QSER1: variants seen among roughly 807,000 people sequenced by gnomAD.
QSER1 encodes glutamine and serine rich 1.
A neutral mutation model predicts 158.5 loss-of-function variants in QSER1; 49 were observed. The observed-to-expected ratio is 0.31, with a 90% CI of 0.25 to 0.39. The LOEUF is 0.39. Among genes scored for constraint, QSER1 ranks in the 10% least tolerant of loss-of-function variants. The pLI is 1.00. For missense variants in QSER1, 1,754 were observed against 2,010.3 expected (o/e 0.87, Z 2.44); for synonymous variants, 650 against 715.5 (o/e 0.91, Z 1.46).
chr11:32,934,661 G>A lies in QSER1; in HGVS notation c.3403G>A (p.Glu1135Lys). The change falls in exon 4 of 13, where the codon GAG becomes AAG. Residue 1135 changes from glutamate (E) to lysine (K), a missense_variant. Transcript: ENST00000650167. ...DSTLNNNRNQ[E>K]FVSSSRSISG... The stretch of plus-strand genomic sequence containing the variant: ...TACATTAAATAATAACAGAAACCAA[G>A]AGTTTGTTTCTAGTAGTAGAAGTAT... The A allele has an allele frequency of 6.2e-7, 1 of 1,613,762 alleles. No homozygotes were observed. Among genetic ancestry groups the A allele is most frequent in the Non-Finnish European group, 8.5e-7 (1 of 1,179,886 alleles).
At chr11:32,897,915 A>G (rs1315992541) in intron 1 of QSER1, among the ~76,000 whole-genome samples, 2 of 152,184 alleles carry the variant, frequency 1.3e-5, no homozygotes, top group Non-Finnish European at 2.9e-5. Flanking sequence ...CTCAGTCACT[A>G]AGACCTACTG....
At chr11:32,923,860 C>T (rs930307426) in intron 1 of QSER1, among the ~76,000 whole-genome samples, 1 of 152,070 alleles carries the variant, frequency 6.6e-6, no homozygotes, top group African/African-American at 2.4e-5. Context: ...CCCAGCTACT[C>T]AGGAGGCTGA....
intron 1 of QSER1, among the ~76,000 whole-genome samples, chr11:32,904,599 C>G (rs921950946): frequency 1.4e-5 from 2 of 140,976 alleles, no homozygotes; most frequent in African/African-American, 5.6e-5. Flanking sequence ...AGCATATCCA[C>G]TCTTTTTTTT....
rs1279846791 is a variant in QSER1 at position 32,934,823 on chromosome 11, GA to G, written c.3567del (p.Glu1190LysfsTer6). ...QSGDAVSVKI[E>X]EENQDLMHFN... ...TGGGGATGCAGTCAGTGTCAAGATT[GA>G]AGAAGAAAACCAAGATTTAATGCAT... On this transcript the variant is annotated frameshift_variant, in exon 4 of 13. Coordinates refer to ENST00000650167, the MANE Select transcript of QSER1 (RefSeq NM_001076786.3). LOFTEE classifies it high-confidence loss of function. 1 of 1,613,898 alleles carries G rather than the reference GA, an allele frequency of 6.2e-7. No homozygotes were observed.
Position 32,932,818 on chromosome 11 carries a change from G to T in QSER1, c.1560G>T (p.Thr520=), listed in dbSNP as rs183558161. 6.2e-7 allele frequency: 1 copy of T among 1,613,856 alleles called. No individual in the cohort carries two copies. Among genetic ancestry groups the T allele is most frequent in the Non-Finnish European group, 8.5e-7 (1 of 1,179,896 alleles). ...SSQTVTPENQ[T]LNYSSNQQEV... is the part of the protein sequence containing the mutation. ...AGACTGTAACTCCTGAAAATCAGAC[G>T]CTTAATTATTCATCTAATCAGCAAG... Residue 520 remains threonine (T), a synonymous_variant, in exon 4 of 13, where the codon ACG becomes ACT. Transcript: ENST00000650167.
chr11:32,974,528 T>A (rs1310358653), intron 11 of QSER1, among the ~76,000 whole-genome samples: 3 of 152,216 alleles, frequency 2.0e-5, no homozygotes, highest in Non-Finnish European at 4.4e-5. Context: ...TCCAATTATG[T>A]ACCACCAGTG....
chr11:32,937,565 G>A (rs1852171086), intron 4 of QSER1, among the ~76,000 whole-genome samples: 1 of 152,134 alleles, frequency 6.6e-6, no homozygotes, highest in African/African-American at 2.4e-5. Context: ...TGGGATTATA[G>A]GCATGAGCCA....
At position 32,934,750 on chromosome 11, in the gene QSER1, A is replaced by T. The variant is rs550964051; in HGVS notation, c.3492A>T (p.Ser1164=). Reference sequence around the variant, plus strand: ...TAGGGGGTGACGACAGTGGTGTGTCAATGAACCCAGCTAGGAGTGCACTTG... The same window carrying T: ...TAGGGGGTGACGACAGTGGTGTGTCTATGAACCCAGCTAGGAGTGCACTTG... ...FTLGGDDSGV[S]MNPARSALAL... Residue 1164 remains serine (S), a synonymous_variant, in exon 4 of 13, where the codon TCA becomes TCT. Transcript: ENST00000650167. 1.2e-6 allele frequency: 2 copies of T among 1,613,994 alleles called. No homozygotes were observed. Among genetic ancestry groups the T allele is most frequent in the African/African-American group, 2.7e-5 (2 of 75,052 alleles).
intron 4 of QSER1, among the ~76,000 whole-genome samples, chr11:32,948,024 C>T (rs963200543): frequency 2.6e-5 from 4 of 152,168 alleles, no homozygotes; most frequent in Non-Finnish European, 4.4e-5. Context: ...CAAAACAAAA[C>T]TTCCACAGAT....
intron 4 of QSER1, among the ~76,000 whole-genome samples, chr11:32,940,583 T>G (rs1265406683): frequency 6.6e-6 from 1 of 152,154 alleles, no homozygotes; most frequent in East Asian, 1.9e-4. Flanking sequence ...TAATAGGGAT[T>G]TGATAAAACT....
intron 1 of QSER1, among the ~76,000 whole-genome samples, chr11:32,925,276 TA>T (rs1851952766): frequency 6.6e-6 from 1 of 152,166 alleles, no homozygotes; most frequent in African/African-American, 2.4e-5. Context: ...CTAGATCTTT[TA>T]AAAGGGCTAA....
In QSER1 at chr11:32,953,930, G is replaced by A; in HGVS notation, c.4251G>A (p.Val1417=). 1 of 1,614,160 alleles carries A rather than the reference G, an allele frequency of 6.2e-7. No individual in the cohort carries two copies. Among genetic ancestry groups the A allele is most frequent in the African/African-American group, 1.3e-5 (1 of 75,058 alleles). The change falls in exon 5 of 13, where the codon GTG becomes GTA. Residue 1417 remains valine (V), a synonymous_variant. Coordinates refer to ENST00000650167, the MANE Select transcript of QSER1 (RefSeq NM_001076786.3). ...CTGCTACTACTTCCTCAACCACTGT[G>A]GGTGCAGTTAAGCAAGAACCTCTCC... is the stretch of plus-strand genomic sequence containing the variant. ...TGTATTSSTT[V]GAVKQEPLHS...
intron 1 of QSER1, among the ~76,000 whole-genome samples, chr11:32,896,753 T>G (rs551662604): frequency 7.9e-5 from 12 of 152,122 alleles, no homozygotes; most frequent in Admixed American, 4.6e-4. Context: ...TAATGCATAC[T>G]TTTTTTTAGT....
chr11:32,895,177 A>G (rs1340236944), intron 1 of QSER1, among the ~76,000 whole-genome samples: 2 of 152,254 alleles, frequency 1.3e-5, no homozygotes, highest in Admixed American at 6.5e-5. Context: ...AAGTAGATTC[A>G]CTTGGCACAC....
chr11:32,962,220 A>G (rs926541570), intron 8 of QSER1, among the ~76,000 whole-genome samples: 6 of 152,084 alleles, frequency 3.9e-5, no homozygotes, highest in Admixed American at 6.6e-5. Flanking sequence ...TTGTGGTTTC[A>G]GTTTGAATTT....
At chr11:32,957,108 G>T (rs978955436) in intron 7 of QSER1, among the ~76,000 whole-genome samples, 1 of 149,752 alleles carries the variant, frequency 6.7e-6, no homozygotes, top group African/African-American at 2.4e-5. Flanking sequence ...GATGCATTTG[G>T]GTTTTTCTTT....
At chr11:32,964,098 A>G (rs1308353828) in intron 8 of QSER1, among the ~76,000 whole-genome samples, 1 of 152,116 alleles carries the variant, frequency 6.6e-6, no homozygotes, top group African/African-American at 2.4e-5. Flanking sequence ...TCAGGCCCCC[A>G]AGCAGCTAGT....
intron 1 of QSER1, among the ~76,000 whole-genome samples, chr11:32,902,046 G>A (rs985863978): frequency 6.6e-6 from 1 of 152,194 alleles, no homozygotes; most frequent in East Asian, 1.9e-4. Flanking sequence ...TTGTGCCACT[G>A]CACTCCAGTG....
At chr11:32,926,360 T>C (rs1445293389) in intron 1 of QSER1, among the ~76,000 whole-genome samples, 3 of 152,180 alleles carry the variant, frequency 2.0e-5, no homozygotes, top group Non-Finnish European at 4.4e-5. Context: ...GATAATGATA[T>C]CTGGTTATAT....
Sources: gnomAD v4.1 joint callset for allele counts (sites outside exome capture counted in the v4.1 genomes callset) on GRCh38, gnomAD v4.1.1 for gene constraint, MANE v1.5 for transcripts, NCBI Gene and HGNC (gene_info 2026-07-23, HGNC 2026-07-21) for gene names.